NEK4: variants seen among roughly 807,000 people sequenced by gnomAD.
NEK4 encodes NIMA related kinase 4.
In NEK4, 86 loss-of-function variants were observed where a neutral mutation model predicts 98.4. That is an observed-to-expected ratio of 0.87 (90% CI 0.73 to 1.05). NEK4 has a LOEUF of 1.05. Among genes scored for constraint, NEK4 ranks in the 50% least tolerant of loss-of-function variants. The pLI, the probability that NEK4 is intolerant of heterozygous loss-of-function variation, is 0.00. For missense variants in NEK4, 898 were observed against 950.3 expected, an observed-to-expected ratio of 0.94 and a Z score of 0.72; for synonymous variants, 328 against 342.2, an observed-to-expected ratio of 0.96 and a Z score of 0.46.
chr3:52,723,398 C>T (rs1306219753), intron 15 of NEK4, among the ~76,000 whole-genome samples: 1 of 152,012 alleles, frequency 6.6e-6, no homozygotes, highest in Non-Finnish European at 1.5e-5. Context: ...CAGGTGCATG[C>T]CACCGTGCCT....
At chr3:52,722,449 T>TG (rs1480786747) in intron 15 of NEK4, among the ~76,000 whole-genome samples, 22 of 152,066 alleles carry the variant, frequency 1.4e-4, no homozygotes, top group Non-Finnish European at 2.6e-4. Context: ...ATCACTGGCA[T>TG]GGAGGACCCC....
intron 9 of NEK4, 78 bp from the exon 10 acceptor site, chr3:52,746,288 G>A: frequency 7.3e-7 from 1 of 1,366,640 alleles, no homozygotes. Context: ...GGTTCTCTAT[G>A]TATTTGTCCG....
chr3:52,716,036 C>T (rs1008694623), intron 15 of NEK4, among the ~76,000 whole-genome samples: 8 of 152,206 alleles, frequency 5.3e-5, no homozygotes, highest in African/African-American at 9.6e-5. Flanking sequence ...GCCATAGCTT[C>T]GCAGAGGACC....
At chr3:52,729,377 C>G (rs1418664235) in intron 15 of NEK4, among the ~76,000 whole-genome samples, 1 of 151,804 alleles carries the variant, frequency 6.6e-6, no homozygotes, top group Non-Finnish European at 1.5e-5. Context: ...GCACTCCAGC[C>G]TGGGGGATGG....
rs2097348112 is a variant in NEK4, at chr3:52,709,395, G to A, written c.*2382C>T. The stretch of plus-strand genomic sequence containing the variant: ...TGTTTAAACAAAATAAAAATATACA[G>A]TATGGTAATTAATAAGAAAGTATGG... On this transcript the variant is annotated 3_prime_UTR_variant, in exon 16 of 16. Coordinates refer to ENST00000233027, the MANE Select transcript of NEK4 (RefSeq NM_003157.6). The A allele has an allele frequency of 6.6e-6, 1 of 151,978 alleles. No homozygotes were observed. Among genetic ancestry groups the A allele is most frequent in the Non-Finnish European group, 1.5e-5 (1 of 67,980 alleles). 9.4% of individuals were successfully genotyped at this position (151,978 alleles called of 1,614,324 possible). A position where few individuals can be genotyped will look rare whatever the true frequency, so the allele number is the denominator to read the frequency against.
rs999787948 is a variant in NEK4, at chr3:52,709,142, C to A, written c.*2635G>T. 4 of 150,750 alleles carry A rather than the reference C, an allele frequency of 2.7e-5. No homozygotes were observed. Among genetic ancestry groups the A allele is most frequent in the Non-Finnish European group, 5.9e-5 (4 of 67,774 alleles). The allele number at this position is 150,750 out of a possible 1,614,324, so 9.3% of individuals were successfully genotyped here. A position where few individuals can be genotyped will look rare whatever the true frequency, so the allele number is the denominator to read the frequency against. ...TAGGCTGCAGTGAGCCAAGATCGCACCACTGTACTCCAGCCTGGGCAACAA... is the reference window on the plus strand; with the variant it reads ...TAGGCTGCAGTGAGCCAAGATCGCAACACTGTACTCCAGCCTGGGCAACAA... On this transcript the variant is annotated 3_prime_UTR_variant, in exon 16 of 16. Coordinates refer to ENST00000233027, the MANE Select transcript of NEK4 (RefSeq NM_003157.6).
chr3:52,743,185 A>G (rs1561307602), intron 12 of NEK4, 167 bp downstream of exon 12: 1 of 610,124 alleles, frequency 1.6e-6, no homozygotes, highest in African/African-American at 1.8e-5. Flanking sequence ...GGTCAATCAT[A>G]ATCCTTTTGA....
intron 15 of NEK4, among the ~76,000 whole-genome samples, chr3:52,735,818 A>G (rs963846800): frequency 1.3e-5 from 2 of 152,258 alleles, no homozygotes; most frequent in Non-Finnish European, 2.9e-5. Context: ...AGGATCAGGA[A>G]AGTAAGTTAA....
rs753439121 is a variant in NEK4 at position 52,768,558 on chromosome 3, C to T, written c.140G>A (p.Arg47Gln). ...LNLRNASSRERRAAEQEAQLL... is the reference protein window; with the variant it reads ...LNLRNASSREQRAAEQEAQLL... ...CTGGGCTTCCTGTTCAGCAGCTCGC[C>T]GCTCTCGGCTAGAGGCATTTCGGAG... The change falls in exon 2 of 16, where the codon CGG (arginine) becomes CAG (glutamine). Residue 47 changes from arginine (R) to glutamine (Q), a missense_variant. Coordinates refer to ENST00000233027, the MANE Select transcript of NEK4 (RefSeq NM_003157.6). The T allele has an allele frequency of 9.5e-5, 154 of 1,614,056 alleles. No individual in the cohort carries two copies. The highest frequency in any genetic ancestry group is 1.2e-4 in the Non-Finnish European group (140 of 1,180,018).
chr3:52,770,629 CTT>C, intron 1 of NEK4, 23 bp downstream of exon 1: 1 of 1,507,532 alleles, frequency 6.6e-7, no homozygotes, highest in Non-Finnish European at 9.0e-7. Flanking sequence ...GCCCCCGCCC[CTT>C]GCCGGGCCCC....
intron 4 of NEK4, among the ~76,000 whole-genome samples, 173 bp from the exon 5 acceptor site, chr3:52,763,797 G>A (rs1291523073): frequency 6.6e-6 from 1 of 152,172 alleles, no homozygotes; most frequent in Non-Finnish European, 1.5e-5. Flanking sequence ...ATAACAAGTT[G>A]TAAAATTATA....
At chr3:52,754,511 G>A in intron 6 of NEK4, 1 of 989,576 alleles carries the variant, frequency 1.0e-6, no homozygotes, top group Non-Finnish European at 1.6e-6. Context: ...ATTTAAAATA[G>A]AAGACTCATG....
intron 14 of NEK4, 132 bp from the exon 15 acceptor site, chr3:52,737,851 T>A (rs2097378898): frequency 1.5e-6 from 1 of 669,054 alleles, no homozygotes; most frequent in Admixed American, 3.4e-5. Flanking sequence ...TCTTGCTCTG[T>A]CGCCCAGGCT....
intron 15 of NEK4, among the ~76,000 whole-genome samples, chr3:52,715,360 G>A (rs1371734426): frequency 6.6e-6 from 1 of 152,180 alleles, no homozygotes. Context: ...ATGGAAAGGA[G>A]GTGCCCCCTG....
At chr3:52,741,694 T>C (rs1189614515) in intron 12 of NEK4, among the ~76,000 whole-genome samples, 195 bp from the exon 13 acceptor site, 1 of 151,834 alleles carries the variant, frequency 6.6e-6, no homozygotes, top group Non-Finnish European at 1.5e-5. Context: ...ATTTTACCCG[T>C]GATATCCCAG....
chr3:52,744,433 C>T, intron 10 of NEK4, 128 bp from the exon 11 acceptor site: 2 of 763,404 alleles, frequency 2.6e-6, no homozygotes, highest in East Asian at 2.5e-5. Context: ...CACTTGTAAT[C>T]CCAGCACTCT....
chr3:52,768,661 CAG>C, intron 1 of NEK4, 57 bp from the exon 2 acceptor site: 1 of 1,542,896 alleles, frequency 6.5e-7, no homozygotes, highest in South Asian at 1.2e-5. Context: ...TTTGTGGCCT[CAG>C]AGTTATCTAA....
chr3:52,739,742 A>C (rs2097382673), intron 13 of NEK4, 108 bp from the exon 14 acceptor site: 2 of 905,480 alleles, frequency 2.2e-6, no homozygotes, highest in Admixed American at 2.0e-5. Flanking sequence ...GAAATGTCCA[A>C]GTAAGTTCCT....
Position 52,746,178 on chromosome 3 carries a change from A to G in NEK4, c.1710T>C (p.Ser570=). The part of the protein sequence containing the change: ...FQESPPRFLP[S]HPIVGKVDVT... ...CATCCACTTTCCCAACAATGGGATG[A>G]GAAGGCAAAAATCGAGGAGGCGACT... Residue 570 remains serine (S), a synonymous_variant, in exon 10 of 16, where the codon TCT becomes TCC. Coordinates refer to ENST00000233027, the MANE Select transcript of NEK4 (RefSeq NM_003157.6). 1 of 1,614,132 alleles carries G rather than the reference A, an allele frequency of 6.2e-7. No homozygotes were observed. The highest frequency in any genetic ancestry group is 8.5e-7 in the Non-Finnish European group (1 of 1,179,986).
Sources: allele counts gnomAD v4.1 joint callset (sites outside exome capture counted in the v4.1 genomes callset), GRCh38; gene constraint gnomAD v4.1.1; transcripts MANE v1.5; gene names NCBI Gene and HGNC (gene_info 2026-07-23, HGNC 2026-07-21).